Variants in FHIT observed in about 807,000 individuals in gnomAD.
The protein encoded by FHIT is fragile histidine triad diadenosine triphosphatase, also known as bis(5'-adenosyl)-triphosphatase.
Under a neutral mutation model 17.9 loss-of-function variants are expected in FHIT, and 19 were observed. That is an observed-to-expected ratio of 1.06 (90% CI 0.74 to 1.56). The LOEUF (loss-of-function observed/expected upper bound fraction) is 1.56, where lower values mean the gene tolerates loss of function less well. Ranked by LOEUF, FHIT falls within the 40% of genes most tolerant of loss-of-function variation. The probability of loss-of-function intolerance (pLI) is 0.00; values close to 1 mark genes in which losing one functional copy is unlikely to be tolerated. For synonymous variants in FHIT, 81 were observed against 69.7 expected, an observed-to-expected ratio of 1.16 and a Z score of -0.81; for missense variants, 248 against 189.2, an observed-to-expected ratio of 1.31 and a Z score of -1.82.
At chr3:60,402,727 A>G (rs553662690) in intron 5 of FHIT, among the ~76,000 whole-genome samples, 2 of 152,292 alleles carry the variant, frequency 1.3e-5, no homozygotes, top group Admixed American at 1.3e-4. Flanking sequence ...ACTATTTTGG[A>G]CTAAAAATAG....
chr3:60,340,594 G>A (rs1021754270), intron 5 of FHIT, among the ~76,000 whole-genome samples: 1 of 152,160 alleles, frequency 6.6e-6, no homozygotes, highest in Admixed American at 6.5e-5. Flanking sequence ...AACATTTTAA[G>A]CAACATGTCA....
chr3:60,313,531 C>T (rs542336981), intron 5 of FHIT, among the ~76,000 whole-genome samples: 3 of 152,272 alleles, frequency 2.0e-5, no homozygotes, highest in East Asian at 1.9e-4. Context: ...CAAACCCTGT[C>T]ACTTTATACA....
At chr3:61,011,056 T>G (rs1048742195) in intron 3 of FHIT, among the ~76,000 whole-genome samples, 1 of 152,356 alleles carries the variant, frequency 6.6e-6, no homozygotes, top group Non-Finnish European at 1.5e-5. Context: ...TTCCTTTCTT[T>G]CCACAAGGTG....
chr3:60,216,293 G>A (rs181906598), intron 5 of FHIT, among the ~76,000 whole-genome samples: 1 of 152,284 alleles, frequency 6.6e-6, no homozygotes, highest in East Asian at 1.9e-4. Flanking sequence ...AGACAGTCTA[G>A]GACAGCTGCA....
At chr3:60,235,260 T>C (rs1257500897) in intron 5 of FHIT, among the ~76,000 whole-genome samples, 3 of 149,326 alleles carry the variant, frequency 2.0e-5, no homozygotes, top group African/African-American at 7.5e-5. Context: ...AGACAGAGTC[T>C]CACTCTCTCA....
Position 60,406,130 on chromosome 3 carries a change from T to C in FHIT, c.103+130730A>G, listed in dbSNP as rs181293120. Among the ~76,000 whole-genome samples, 21 of 152,340 alleles carry C rather than the reference T, an allele frequency of 1.4e-4. No individual in the cohort carries two copies. The East Asian group carries it at 3.3e-3, about 24-fold the overall frequency. On this transcript the variant is annotated intron_variant, in intron 5 of 9. Coordinates refer to ENST00000492590, the MANE Select transcript of FHIT (RefSeq NM_002012.4). Reference sequence around the variant, plus strand: ...TGCTAAACATCTTTTAAAAAGCTGATATTATATATGCTCCACCACTCAAAA... The same window carrying C: ...TGCTAAACATCTTTTAAAAAGCTGACATTATATATGCTCCACCACTCAAAA...
chr3:60,979,209 C>T (rs1277811488), intron 3 of FHIT, among the ~76,000 whole-genome samples: 1 of 152,192 alleles, frequency 6.6e-6, no homozygotes, highest in African/African-American at 2.4e-5. Context: ...AGTCTCTCTC[C>T]TCCAATCTGA....
At chr3:60,634,782 T>C (rs1383046458) in intron 4 of FHIT, among the ~76,000 whole-genome samples, 1 of 152,254 alleles carries the variant, frequency 6.6e-6, no homozygotes, top group East Asian at 1.9e-4. Context: ...CTAAATGCTG[T>C]TTGCAAATAT....
At chr3:60,519,123 A>G (rs2107560474) in intron 5 of FHIT, among the ~76,000 whole-genome samples, 1 of 152,368 alleles carries the variant, frequency 6.6e-6, no homozygotes, top group Non-Finnish European at 1.5e-5. Context: ...AACAAAGAAA[A>G]AAGTAGAAAG....
In FHIT at chr3:61,116,406, C is replaced by T. The variant is rs147235444; in HGVS notation, c.-163-74307G>A. On this transcript the variant is annotated intron_variant, in intron 2 of 9. Transcript: ENST00000492590. ...ACTTTGGGAATGCCCTTGTCCACAG[C>T]TTTGCATGCAGGGTTGAACTCATTA... Among the ~76,000 whole-genome samples the T allele has an allele frequency of 4.0e-4, 61 of 152,214 alleles. No individual in the cohort carries two copies. The East Asian group carries it at 9.1e-3, about 23-fold the overall frequency.
At chr3:60,357,705 T>TA (rs1699733909) in intron 5 of FHIT, among the ~76,000 whole-genome samples, 1 of 152,206 alleles carries the variant, frequency 6.6e-6, no homozygotes, top group East Asian at 1.9e-4. Context: ...CATATTATTC[T>TA]CTGTAGTATA....
At chr3:60,813,007 A>G (rs1230879427) in intron 4 of FHIT, among the ~76,000 whole-genome samples, 1 of 152,128 alleles carries the variant, frequency 6.6e-6, no homozygotes, top group Non-Finnish European at 1.5e-5. Flanking sequence ...TTAAAATTTA[A>G]CTGCCATTGT....
intron 4 of FHIT, among the ~76,000 whole-genome samples, chr3:60,539,840 G>C (rs2036122899): frequency 6.6e-6 from 1 of 151,858 alleles, no homozygotes; most frequent in Admixed American, 6.6e-5. Context: ...TACCTAACGT[G>C]AATGACAAGT....
At chr3:60,628,230 G>A (rs1225883484) in intron 4 of FHIT, among the ~76,000 whole-genome samples, 1 of 152,064 alleles carries the variant, frequency 6.6e-6, no homozygotes, top group Non-Finnish European at 1.5e-5. Flanking sequence ...GGAGTGTGTT[G>A]TTTAAGTTCT....
chr3:60,821,709 T>C (rs1459537554), intron 4 of FHIT, among the ~76,000 whole-genome samples: 1 of 152,148 alleles, frequency 6.6e-6, no homozygotes. Context: ...TTAACTGACA[T>C]AATATTTATA....
chr3:59,897,577 T>G (rs1331632814), intron 8 of FHIT, among the ~76,000 whole-genome samples: 1 of 152,184 alleles, frequency 6.6e-6, no homozygotes, highest in Non-Finnish European at 1.5e-5. Flanking sequence ...GATAAATACT[T>G]GTTGGATGCT....
intron 5 of FHIT, among the ~76,000 whole-genome samples, chr3:60,127,122 C>G (rs979705062): frequency 3.9e-5 from 6 of 152,090 alleles, no homozygotes; most frequent in African/African-American, 1.2e-4. Flanking sequence ...ATTACACAAG[C>G]GATCCCATCT....
At chr3:60,441,908 G>C (rs1346603166) in intron 5 of FHIT, among the ~76,000 whole-genome samples, 1 of 146,156 alleles carries the variant, frequency 6.8e-6, no homozygotes, top group Non-Finnish European at 1.5e-5. Flanking sequence ...ACCCAGGCTG[G>C]AGTACAGTGG....
At chr3:60,481,573 C>T (rs1277536173) in intron 5 of FHIT, among the ~76,000 whole-genome samples, 1 of 152,108 alleles carries the variant, frequency 6.6e-6, no homozygotes, top group Non-Finnish European at 1.5e-5. Context: ...TCCAGCCAAA[C>T]TAAACTTCAT....
Sources: allele counts gnomAD v4.1 joint callset (sites outside exome capture counted in the v4.1 genomes callset), GRCh38; gene constraint gnomAD v4.1.1; transcripts MANE v1.5; gene names NCBI Gene and HGNC (gene_info 2026-07-23, HGNC 2026-07-21).